ZC3H12B: variants seen among roughly 807,000 people sequenced by gnomAD.
ZC3H12B encodes probable ribonuclease ZC3H12B.
In ZC3H12B, 7 loss-of-function variants were observed where a neutral mutation model predicts 43.9. That is an observed-to-expected ratio of 0.16 (90% CI 0.09 to 0.30). The LOEUF is 0.30. ZC3H12B is among the 10% of genes least tolerant of loss of function. The probability of loss-of-function intolerance (pLI) is 1.00; values close to 1 mark genes in which losing one functional copy is unlikely to be tolerated. For synonymous variants in ZC3H12B, 222 were observed against 241.7 expected (o/e 0.92, Z 0.76); for missense variants, 475 against 670.2 (o/e 0.71, Z 3.22).
At chrX:65,237,511 A>T in the ZC3H12B span, among the ~76,000 whole-genome samples, 100 of 109,636 alleles carry the variant, frequency 9.1e-4, 1 homozygote, top group East Asian at 0.026. Flanking sequence ...ATCTGCAAAC[A>T]GGGATAGTTT....
At chrX:65,180,376 T>G in the ZC3H12B span, among the ~76,000 whole-genome samples, 2 of 112,170 alleles carry the variant, frequency 1.8e-5, no homozygotes, top group Non-Finnish European at 3.8e-5. Flanking sequence ...GAGGTATTTA[T>G]GTCAAATCCA....
chrX:65,365,996 C>A (rs1329318437), upstream of ZC3H12B, among the ~76,000 whole-genome samples: 1 of 110,586 alleles, frequency 9.0e-6, no homozygotes, highest in Non-Finnish European at 1.9e-5. Flanking sequence ...CTGAATGAAG[C>A]TAATTTCACC....
chrX:65,458,952 T>C (rs2067683169), intron 3 of ZC3H12B, among the ~76,000 whole-genome samples: 1 of 110,910 alleles, frequency 9.0e-6, no homozygotes, highest in Admixed American at 9.6e-5. Flanking sequence ...ACAAAATTGA[T>C]AGACTGCTAG....
chrX:65,287,018 C>T, the ZC3H12B span, among the ~76,000 whole-genome samples: 6 of 110,757 alleles, frequency 5.4e-5, no homozygotes, highest in East Asian at 1.1e-3. Context: ...TACCCAACAC[C>T]GGTGCACTCA....
chrX:65,476,931 C>T (rs1322013036), intron 3 of ZC3H12B, among the ~76,000 whole-genome samples: 2 of 108,484 alleles, frequency 1.8e-5, no homozygotes, highest in Non-Finnish European at 3.8e-5. Context: ...AAGCGATTCT[C>T]CTACCTAAGC....
chrX:65,454,351 G>T (rs757047762), intron 3 of ZC3H12B, among the ~76,000 whole-genome samples: 1 of 112,531 alleles, frequency 8.9e-6, no homozygotes, highest in Non-Finnish European at 1.9e-5. Flanking sequence ...CTGGCTCGGA[G>T]GGTCCTACAC....
chrX:65,193,258 G>C, the ZC3H12B span, among the ~76,000 whole-genome samples: 1 of 110,883 alleles, frequency 9.0e-6, no homozygotes, highest in African/African-American at 3.3e-5. Flanking sequence ...TAAATGTTTG[G>C]TGAGATTCAG....
At chrX:65,270,462 A>C in the ZC3H12B span, among the ~76,000 whole-genome samples, 1 of 111,991 alleles carries the variant, frequency 8.9e-6, no homozygotes, top group African/African-American at 3.2e-5. Context: ...AGTCCTTGAC[A>C]CTGGCATTGG....
At chrX:65,089,002 C>A in the ZC3H12B span, among the ~76,000 whole-genome samples, 1 of 111,734 alleles carries the variant, frequency 8.9e-6, no homozygotes, top group Non-Finnish European at 1.9e-5. Flanking sequence ...ATATTTAGAA[C>A]AGTTCCTGGC....
chrX:65,056,608 T>G, the ZC3H12B span, among the ~76,000 whole-genome samples: 1 of 111,726 alleles, frequency 9.0e-6, no homozygotes, highest in African/African-American at 3.3e-5. Flanking sequence ...TATTAGGTCC[T>G]CTTGGTGCAG....
chrX:65,225,276 G>A, the ZC3H12B span, among the ~76,000 whole-genome samples: 2 of 112,373 alleles, frequency 1.8e-5, no homozygotes, highest in African/African-American at 3.2e-5. Context: ...GGTCTGGAGT[G>A]GACCTCCAGC....
chrX:65,344,123 G>A, the ZC3H12B span, among the ~76,000 whole-genome samples: 1 of 112,175 alleles, frequency 8.9e-6, no homozygotes, highest in East Asian at 2.8e-4. Flanking sequence ...CTGCTAACCA[G>A]GGAGTTGAAA....
chrX:65,497,200 G>A, exon 2 of ZC3H12B: 4 of 1,209,454 alleles, frequency 3.3e-6, no homozygotes, highest in Non-Finnish European at 4.5e-6. Flanking sequence ...CTAGATAAAG[G>A]CCATAAAGAT....
At chrX:65,154,071 G>C in the ZC3H12B span, among the ~76,000 whole-genome samples, 1 of 110,411 alleles carries the variant, frequency 9.1e-6, no homozygotes, top group African/African-American at 3.3e-5. Flanking sequence ...CACACTCTGG[G>C]GACTGTTGTG....
chrX:65,377,616 C>G (rs769479615), intron 2 of ZC3H12B, among the ~76,000 whole-genome samples: 1 of 110,871 alleles, frequency 9.0e-6, no homozygotes, highest in Non-Finnish European at 1.9e-5. Flanking sequence ...AGTGACATGA[C>G]ATACGTAAAG....
chrX:65,485,856 A>G (rs1569423163), upstream of ZC3H12B, among the ~76,000 whole-genome samples: 1 of 112,043 alleles, frequency 8.9e-6, no homozygotes, highest in East Asian at 2.8e-4. Context: ...TAGCCAGTTT[A>G]TAATTATGAA....
the ZC3H12B span, among the ~76,000 whole-genome samples, chrX:65,286,142 G>A: frequency 2.7e-5 from 3 of 111,555 alleles, no homozygotes; most frequent in African/African-American, 6.5e-5. Flanking sequence ...ATTCACAATA[G>A]CAAAGACATG....
chrX:65,392,492 G>T (rs2066635762), intron 2 of ZC3H12B, among the ~76,000 whole-genome samples: 1 of 110,855 alleles, frequency 9.0e-6, no homozygotes, highest in South Asian at 3.8e-4. Flanking sequence ...CTCCAACCGG[G>T]CTGCCCCATC....
chrX:65,092,619 G>A, the ZC3H12B span, among the ~76,000 whole-genome samples: 279 of 111,857 alleles, frequency 2.5e-3, 1 homozygote, highest in South Asian at 0.015. Context: ...GGAAATTTGA[G>A]CTTGGGAATG....
Sources: allele counts gnomAD v4.1 joint callset (sites outside exome capture counted in the v4.1 genomes callset), GRCh38; gene constraint gnomAD v4.1.1; transcripts MANE v1.5; gene names NCBI Gene and HGNC (gene_info 2026-07-23, HGNC 2026-07-21).